COL1A1: variants seen among roughly 807,000 people sequenced by gnomAD.
COL1A1 encodes the protein collagen type I alpha 1 chain, also known as collagen alpha-1(I) chain.
A neutral mutation model predicts 195.7 loss-of-function variants in COL1A1; 21 were observed. The observed-to-expected ratio is 0.11, with a 90% CI of 0.08 to 0.15. The LOEUF is 0.15. COL1A1 is among the 10% of genes least tolerant of loss of function. COL1A1 has a pLI of 1.00. For missense variants in COL1A1, 1,365 were observed against 2,051.0 expected, an observed-to-expected ratio of 0.67 and a Z score of 6.46; for synonymous variants, 749 against 747.3, an observed-to-expected ratio of 1.00 and a Z score of -0.04.
At chr17:50,201,360 C>T in intron 1 of COL1A1, 51 bp downstream of exon 1, 1 of 1,566,150 alleles carries the variant, frequency 6.4e-7, no homozygotes, top group Non-Finnish European at 8.7e-7. Flanking sequence ...CGGGACCAAG[C>T]GCAAGGCGCG....
rs779846520 is a variant in COL1A1, at chr17:50,189,870, C to T, written c.2602G>A (p.Ala868Thr). 3.0e-5 allele frequency: 49 copies of T among 1,607,912 alleles called. No individual in the cohort carries two copies. Among genetic ancestry groups the T allele is most frequent in the South Asian group, 1.7e-4 (15 of 90,472 alleles). Residue 868 changes from alanine to threonine, a missense_variant, in exon 37 of 51, where the codon GCT (alanine) becomes ACT (threonine). This residue lies in a region of COL1A1 where 671 missense variants were observed against 1,099.9 expected (regional missense o/e 0.61). Transcript: ENST00000225964. The surrounding 1 kb of genome is among the most constrained non-coding windows in gnomAD (Gnocchi z 5.5). ...CGGGTGATACTCACAGGGGGACCAG[C>T]GCTGCCGCGAGCACCTTTGGCTCCA... ...APGAKGARGS[A>T]GPPGATGFPG... is the part of the protein sequence containing the mutation.
chr17:50,200,180 G>T, intron 1 of COL1A1: 1 of 581,294 alleles, frequency 1.7e-6, no homozygotes, highest in African/African-American at 1.9e-5. Context: ...TTTAAACAAA[G>T]CTTTAGTCCG....
In COL1A1 at chr17:50,197,738, T is replaced by C. The variant is rs776786081; in HGVS notation, c.690A>G (p.Gly230=). The C allele has an allele frequency of 5.1e-5, 82 of 1,592,994 alleles. No individual in the cohort carries two copies. The highest frequency in any genetic ancestry group is 6.7e-5 in the Non-Finnish European group (79 of 1,173,102). The change falls in exon 9 of 51, where the codon GGA becomes GGG. Residue 230 remains glycine, a synonymous_variant. Coordinates refer to ENST00000225964, the MANE Select transcript of COL1A1 (RefSeq NM_000088.4). ...TCTTGCTGGGGATACTTACATCATCTCCATTCTTTCCAGGGGGACCTGGGG... is the reference window on the plus strand; with the variant it reads ...TCTTGCTGGGGATACTTACATCATCCCCATTCTTTCCAGGGGGACCTGGGG... ...RGPPGPPGKN[G]DDGEAGKPGR...
chr17:50,198,313 G>A, intron 6 of COL1A1, 108 bp from the exon 7 acceptor site: 3 of 1,549,212 alleles, frequency 1.9e-6, no homozygotes, highest in Non-Finnish European at 2.7e-6. Context: ...CATCCTTTCT[G>A]GACTCTGAGG....
In COL1A1 at chr17:50,195,464, A is replaced by G. The variant is rs1005564096; in HGVS notation, c.1170T>C (p.Ala390=). The G allele has an allele frequency of 5.0e-6, 8 of 1,614,038 alleles. No individual in the cohort carries two copies. The African/African-American group carries it at 9.3e-5, about 19-fold the overall frequency. The part of the protein sequence containing the change: ...GAAGPAGNPG[A]DGQPGAKGAN... ...CACCTTTAGCACCAGGCTGTCCATC[A>G]GCACCAGGGTTTCCCTGTGGCACAG... Residue 390 remains alanine, a synonymous_variant, in exon 18 of 51, where the codon GCT becomes GCC. Transcript: ENST00000225964. This position sits in a 1 kb window ranked among gnomAD's most constrained non-coding sequence, Gnocchi z 4.3.
At chr17:50,197,671 G>T in intron 9 of COL1A1, 61 bp downstream of exon 9, 6 of 1,378,354 alleles carry the variant, frequency 4.4e-6, no homozygotes, top group Non-Finnish European at 6.0e-6. Context: ...AGTGGAAATT[G>T]CAGGACCCAA....
rs567916614 is a variant in COL1A1, at chr17:50,195,147, T to A, written c.1300-47A>T. The A allele has an allele frequency of 1.2e-5, 19 of 1,607,032 alleles. No homozygotes were observed. In the Admixed American group the frequency reaches 1.5e-4, roughly 13 times the overall value. On this transcript the variant is annotated intron_variant, in intron 19 of 50. Coordinates refer to ENST00000225964, the MANE Select transcript of COL1A1 (RefSeq NM_000088.4). The surrounding 1 kb of genome is among the most constrained non-coding windows in gnomAD (Gnocchi z 4.3). ...TGAGCTGAGAGTCGGGGGCGCTCAG[T>A]TGGCCTGCGTCTTCCTGCTCCCCAG... is the stretch of plus-strand genomic sequence containing the variant.
In COL1A1 at chr17:50,196,992, G is replaced by A. The variant is rs754603674; in HGVS notation, c.804+18C>T. 7.4e-6 allele frequency: 12 copies of A among 1,613,872 alleles called. No individual in the cohort carries two copies. The highest frequency in any genetic ancestry group is 1.0e-5 in the Non-Finnish European group (12 of 1,179,908). The stretch of plus-strand genomic sequence containing the variant: ...TGCTAGGGACTTGGGGAGCTTAAAT[G>A]ACTCAAAGGTGACTCACTCTGTGTC... On this transcript the variant is annotated intron_variant, in intron 11 of 50. Transcript: ENST00000225964.
At chr17:50,192,234 A>G in intron 29 of COL1A1, 1 of 722,252 alleles carries the variant, frequency 1.4e-6, no homozygotes, top group South Asian at 1.8e-5. Context: ...ACCAAGATTT[A>G]TCAATAGAAG....
rs747422214 is a variant in COL1A1 at position 50,196,342 on chromosome 17, C to T, written c.929G>A (p.Arg310Lys). 4 of 1,612,446 alleles carry T rather than the reference C, an allele frequency of 2.5e-6. No individual in the cohort carries two copies. The highest frequency in any genetic ancestry group is 1.7e-4 in the Middle Eastern group (1 of 6,058). Residue 310 changes from arginine to lysine, a missense_variant, in exon 14 of 51, where the codon AGA (arginine) becomes AAA (lysine). Around this residue, in one of 5 missense-constraint regions of COL1A1, gnomAD observed 226 missense variants for 372.9 expected, o/e 0.61. Coordinates refer to ENST00000225964, the MANE Select transcript of COL1A1 (RefSeq NM_000088.4). ...AGGGCCAGGGGCTCCAGGGCGACCT[C>T]TCTCACCAGGCAGGCCACGGGGGCC... ...QMGPRGLPGE[R>K]GRPGAPGPAG...
chr17:50,185,723 C>T, intron 50 of COL1A1, 55 bp downstream of exon 50: 1 of 1,611,732 alleles, frequency 6.2e-7, no homozygotes, highest in Admixed American at 1.7e-5. Flanking sequence ...ATGGCCTGGC[C>T]AAAAAGCCCA....
chr17:50,199,989 A>AC, intron 1 of COL1A1, 42 bp from the exon 2 acceptor site: 1 of 1,598,846 alleles, frequency 6.3e-7, no homozygotes, highest in Non-Finnish European at 8.6e-7. Context: ...AGTGACTGCA[A>AC]CCCCCAGCTT....
Position 50,193,981 on chromosome 17 carries a change from C to A in COL1A1, c.1729G>T (p.Ala577Ser). Residue 577 changes from alanine (A) to serine (S), a missense_variant, in exon 25 of 51, where the codon GCT (alanine) becomes TCT (serine). Ala to Ser is a moderately conservative substitution (Grantham distance 99). Transcript: ENST00000225964. ...GGTCCAGGGAATCCCATCACACCAG[C>A]CTGACCACGGGCACCAGGTGGGCCT... ...PPGPPGARGQAGVMGFPGPKG... is the reference protein window; with the variant it reads ...PPGPPGARGQSGVMGFPGPKG... The A allele has an allele frequency of 6.2e-7, 1 of 1,614,158 alleles. No homozygotes were observed. The highest frequency in any genetic ancestry group is 8.5e-7 in the Non-Finnish European group (1 of 1,180,044).
chr17:50,198,737 C>T, intron 5 of COL1A1: 1 of 562,530 alleles, frequency 1.8e-6, no homozygotes. Flanking sequence ...CCCAGTGCCA[C>T]TAAAGACAAA....
intron 1 of COL1A1, chr17:50,200,224 C>T: frequency 2.0e-6 from 1 of 489,378 alleles, no homozygotes; most frequent in Non-Finnish European, 3.7e-6. Flanking sequence ...AGCCCATTGG[C>T]GCTGAAGCCA....
Position 50,190,863 on chromosome 17 carries a change from G to C in COL1A1, c.2297C>G (p.Thr766Ser), listed in dbSNP as rs1015434639. Residue 766 changes from threonine (T) to serine (S), a missense_variant, in exon 33 of 51, where the codon ACT (threonine) becomes AGT (serine). Coordinates refer to ENST00000225964, the MANE Select transcript of COL1A1 (RefSeq NM_000088.4). The surrounding 1 kb of genome is among the most constrained non-coding windows in gnomAD (Gnocchi z 4.7). ...SPGKDGVRGL[T>S]GPIGPPGPAG... Reference sequence around the variant, plus strand: ...AGGGCCAGGAGGACCAATGGGGCCAGTCAGACCACGGACGCCATCTTTGCC... The same window carrying C: ...AGGGCCAGGAGGACCAATGGGGCCACTCAGACCACGGACGCCATCTTTGCC... 1.2e-6 allele frequency: 2 copies of C among 1,613,876 alleles called. No homozygotes were observed. Among genetic ancestry groups the C allele is most frequent in the African/African-American group, 2.7e-5 (2 of 74,998 alleles).
At chr17:50,199,726 G>A in intron 2 of COL1A1, 27 bp downstream of exon 2, 1 of 715,480 alleles carries the variant, frequency 1.4e-6, no homozygotes, top group East Asian at 3.6e-5. Flanking sequence ...CCAGGCCCCA[G>A]GCCCCAGGCC....
chr17:50,201,426 C>G lies in COL1A1; in HGVS notation c.88G>C (p.Gly30Arg), dbSNP rs757451961. Residue 30 changes from glycine (G) to arginine (R), a missense_variant, in exon 1 of 51, where the codon GGC becomes CGC. Coordinates refer to ENST00000225964, the MANE Select transcript of COL1A1 (RefSeq NM_000088.4). The part of the protein sequence containing the change: ...THGQEEGQVE[G>R]QDEDIPPITC... ...TGGGACTTACTGTCTTCGTCTTGGC[C>G]CTCGACTTGGCCTTCCTCTTGGCCG... 3.1e-6 allele frequency: 5 copies of G among 1,613,834 alleles called. No homozygotes were observed. Among genetic ancestry groups the G allele is most frequent in the Non-Finnish European group, 3.4e-6 (4 of 1,180,030 alleles).
chr17:50,190,731 C>A lies in COL1A1; in HGVS notation c.2343+86G>T. ...ACAGCTCAGTTTGGCAGGACCTGCT[C>A]TCCCAACGCAACCCCACGGAACCGT... On this transcript the variant is annotated intron_variant, in intron 33 of 50. Coordinates refer to ENST00000225964, the MANE Select transcript of COL1A1 (RefSeq NM_000088.4). This position sits in a 1 kb window ranked among gnomAD's most constrained non-coding sequence, Gnocchi z 4.7. 6.7e-7 allele frequency: 1 copy of A among 1,492,422 alleles called. No homozygotes were observed. Among genetic ancestry groups the A allele is most frequent in the South Asian group, 1.1e-5 (1 of 87,986 alleles). The allele number at this position is 1,492,422 out of a possible 1,614,324, so 92.4% of individuals were successfully genotyped here.
Sources: allele counts gnomAD v4.1 joint callset, GRCh38; gene constraint gnomAD v4.1.1; regional missense constraint gnomAD v4.1.1; non-coding constraint Gnocchi (gnomAD v3.1); transcripts MANE v1.5; gene names NCBI Gene and HGNC (gene_info 2026-07-23, HGNC 2026-07-21).